The following NVL variants were observed in gnomAD, a reference collection of about 807,000 sequenced individuals.
The protein encoded by NVL is nuclear valosin-containing protein-like.
In NVL, 84 loss-of-function variants were observed where a neutral mutation model predicts 110.2. That is an observed-to-expected ratio of 0.76 (90% CI 0.64 to 0.91). The LOEUF is 0.91. Among genes scored for constraint, NVL ranks in the 40% least tolerant of loss-of-function variants. The pLI is 0.00. For synonymous variants in NVL, 354 were observed against 361.1 expected (o/e 0.98, Z 0.22); for missense variants, 882 against 1,035.9 (o/e 0.85, Z 2.04).
At chr1:224,275,853 A>T (rs927958986) in intron 16 of NVL, among the ~76,000 whole-genome samples, 1 of 152,194 alleles carries the variant, frequency 6.6e-6, no homozygotes, top group African/African-American at 2.4e-5. Flanking sequence ...ACATACACAC[A>T]AGTCAAATTA....
intron 18 of NVL, among the ~76,000 whole-genome samples, chr1:224,255,193 T>TG (rs1289435741): frequency 4.4e-5 from 6 of 137,052 alleles, no homozygotes; most frequent in African/African-American, 1.6e-4. Flanking sequence ...TTTTTTTTTT[T>TG]TTTTTTTTTT....
intron 17 of NVL, among the ~76,000 whole-genome samples, chr1:224,272,906 C>G (rs1258832396): frequency 6.8e-6 from 1 of 147,712 alleles, no homozygotes; most frequent in East Asian, 2.0e-4. Flanking sequence ...TAGTGGCGGG[C>G]GCCTGTAGTC....
chr1:224,286,221 T>G (rs1351394913), intron 14 of NVL, 91 bp from the exon 15 acceptor site: 7 of 1,047,950 alleles, frequency 6.7e-6, no homozygotes, highest in African/African-American at 1.6e-5. Context: ...TATGGTTTTT[T>G]TTTTTTTTTG....
At position 224,227,586 on chromosome 1, in the gene NVL, G is replaced by T; in HGVS notation, c.*40C>A. The T allele has an allele frequency of 6.3e-7, 1 of 1,590,412 alleles. No individual in the cohort carries two copies. Among genetic ancestry groups the T allele is most frequent in the Non-Finnish European group, 8.6e-7 (1 of 1,162,612 alleles). On this transcript the variant is annotated 3_prime_UTR_variant, in exon 23 of 23. Coordinates refer to ENST00000281701, the MANE Select transcript of NVL (RefSeq NM_002533.4). ...AGAGCGTGTGGGGGATTCTCTGCCG[G>T]CTTGATGGGCTAGCTCCTCTAAGCC...
Position 224,306,544 on chromosome 1 carries a change from G to T in NVL, c.616-1378C>A, listed in dbSNP as rs932708675. Among the ~76,000 whole-genome samples the T allele has an allele frequency of 5.3e-5, 8 of 152,270 alleles. No homozygotes were observed. In the East Asian group the frequency reaches 1.4e-3, roughly 26 times the overall value. ...GTCTCCCAAAGTGCTGGGAATACAG[G>T]TGTGAGCCACTGCACCCGGCCAAAA... is the stretch of plus-strand genomic sequence containing the variant. On this transcript the variant is annotated intron_variant, in intron 6 of 22. Transcript: ENST00000281701.
intron 12 of NVL, among the ~76,000 whole-genome samples, chr1:224,292,087 T>C (rs1318405338): frequency 2.0e-5 from 3 of 152,150 alleles, no homozygotes; most frequent in African/African-American, 7.2e-5. Flanking sequence ...TTTACACCAA[T>C]AGAAACTGGA....
intron 17 of NVL, among the ~76,000 whole-genome samples, chr1:224,269,140 T>A (rs1571893440): frequency 6.9e-6 from 1 of 144,028 alleles, no homozygotes; most frequent in Non-Finnish European, 1.5e-5. Context: ...GAGGCTAGAG[T>A]GTACTGGTGT....
intron 19 of NVL, among the ~76,000 whole-genome samples, chr1:224,249,489 A>C (rs900843248): frequency 9.2e-5 from 14 of 152,068 alleles, no homozygotes; most frequent in Middle Eastern, 3.2e-3. Context: ...TCACGCCTGT[A>C]ATCCCAGCAC....
At chr1:224,284,730 T>C (rs974371832) in intron 15 of NVL, among the ~76,000 whole-genome samples, 11 of 152,166 alleles carry the variant, frequency 7.2e-5, no homozygotes, top group Admixed American at 6.5e-4. Flanking sequence ...AAGACAGCAT[T>C]TTTACCTATT....
chr1:224,234,573 C>T (rs900076222), intron 20 of NVL, among the ~76,000 whole-genome samples: 1 of 151,792 alleles, frequency 6.6e-6, no homozygotes, highest in African/African-American at 2.4e-5. Flanking sequence ...CTGCCTCAGA[C>T]ACATACTATA....
chr1:224,269,637 A>C (rs1269745398), intron 17 of NVL: 1 of 152,254 alleles, frequency 6.6e-6, no homozygotes, highest in Admixed American at 6.5e-5. Flanking sequence ...AAAAAGTTTT[A>C]AATGAAGGAA....
intron 5 of NVL, among the ~76,000 whole-genome samples, chr1:224,310,140 C>T (rs1050725742): frequency 7.0e-6 from 1 of 143,854 alleles, no homozygotes; most frequent in Non-Finnish European, 1.5e-5. Flanking sequence ...GATCACACCA[C>T]TGCACTTCAG....
At chr1:224,267,964 T>C in intron 18 of NVL, 70 bp downstream of exon 18, 1 of 1,038,514 alleles carries the variant, frequency 9.6e-7, no homozygotes, top group Non-Finnish European at 1.5e-6. Flanking sequence ...TTTTTAATTA[T>C]CTGAATCTCT....
At chr1:224,237,093 A>T (rs972690293) in intron 19 of NVL, among the ~76,000 whole-genome samples, 10 of 152,356 alleles carry the variant, frequency 6.6e-5, no homozygotes, top group African/African-American at 2.4e-4. Flanking sequence ...ATGCTCATGA[A>T]GTTTGAGGAA....
rs1448041351 is a variant in NVL at position 224,275,332 on chromosome 1, T to C, written c.2082+7A>G. ...GAATCTGAAAACCACTAGTCCATGA[T>C]ACTTACCTCTCGGTCTGATCTTCGA... On this transcript the variant is annotated splice_region_variant and intron_variant, in intron 17 of 22. Transcript: ENST00000281701. 1.9e-5 allele frequency: 31 copies of C among 1,614,168 alleles called. No homozygotes were observed. Among genetic ancestry groups the C allele is most frequent in the Non-Finnish European group, 2.5e-5 (29 of 1,180,014 alleles).
chr1:224,270,637 AAT>A (rs1457810175), intron 17 of NVL, among the ~76,000 whole-genome samples: 1 of 152,162 alleles, frequency 6.6e-6, no homozygotes, highest in Non-Finnish European at 1.5e-5. Context: ...GACTGGGAAA[AAT>A]AGTGTCAACA....
At chr1:224,276,510 T>C (rs1017262073) in intron 16 of NVL, among the ~76,000 whole-genome samples, 3 of 152,144 alleles carry the variant, frequency 2.0e-5, no homozygotes, top group Admixed American at 2.0e-4. Flanking sequence ...AATACTGGGA[T>C]TACAGGCATG....
chr1:224,255,162 C>T (rs1411697141), intron 18 of NVL, among the ~76,000 whole-genome samples: 1 of 149,762 alleles, frequency 6.7e-6, no homozygotes, highest in Non-Finnish European at 1.5e-5. Flanking sequence ...AGCCAATGTG[C>T]CTGGCCCAAA....
chr1:224,230,261 T>C (rs2102687116), intron 22 of NVL, among the ~76,000 whole-genome samples: 1 of 152,302 alleles, frequency 6.6e-6, no homozygotes, highest in Non-Finnish European at 1.5e-5. Context: ...AAGCCATTTA[T>C]CAAAAAGCGT....
Sources: gnomAD v4.1 joint callset for allele counts (sites outside exome capture counted in the v4.1 genomes callset) on GRCh38, gnomAD v4.1.1 for gene constraint, MANE v1.5 for transcripts, NCBI Gene and HGNC (gene_info 2026-07-23, HGNC 2026-07-21) for gene names.